Variants in PRPH2 observed in about 807,000 individuals in gnomAD.
The protein encoded by PRPH2 is peripherin 2.
A neutral mutation model predicts 31.3 loss-of-function variants in PRPH2; 17 were observed. The observed-to-expected ratio is 0.54, with a 90% CI of 0.37 to 0.81. The LOEUF is 0.81. PRPH2 is among the 40% of genes least tolerant of loss of function. The pLI is 0.00. For missense variants in PRPH2, 430 were observed against 439.7 expected (o/e 0.98, Z 0.20); for synonymous variants, 165 against 184.4 (o/e 0.89, Z 0.85).
chr6:42,705,584 AAAAAAAAAAAAAAAAATATAT>A (rs1395507896), intron 1 of PRPH2, among the ~76,000 whole-genome samples: 46 of 15,856 alleles, frequency 2.9e-3, no homozygotes, highest in African/African-American at 5.7e-3. Context: ...TAAAAAAAAA[AAAAAAAAAAAAAAAAATATAT>A]ATATATATAT....
intron 1 of PRPH2, among the ~76,000 whole-genome samples, chr6:42,715,199 ACT>A (rs1162839019): frequency 6.6e-6 from 1 of 151,996 alleles, no homozygotes; most frequent in Non-Finnish European, 1.5e-5. Flanking sequence ...ACGGGGCAAG[ACT>A]CTGTCTCAAA....
intron 1 of PRPH2, among the ~76,000 whole-genome samples, chr6:42,719,167 CTTT>C (rs10594241): frequency 4.7e-4 from 68 of 144,900 alleles, no homozygotes; most frequent in Non-Finnish European, 4.4e-4. Flanking sequence ...AGTGGACTTC[CTTT>C]TTTTTTTTTT....
At chr6:42,706,175 G>A (rs1303283454) in intron 1 of PRPH2, among the ~76,000 whole-genome samples, 6 of 151,898 alleles carry the variant, frequency 4.0e-5, no homozygotes, top group Non-Finnish European at 8.8e-5. Flanking sequence ...GGAGGCTGAG[G>A]CGGGTGGATC....
intron 2 of PRPH2, 92 bp from the exon 3 acceptor site, chr6:42,698,599 C>G (rs1799991483): frequency 2.6e-6 from 4 of 1,548,440 alleles, no homozygotes; most frequent in Non-Finnish European, 2.6e-6. Context: ...ATTGAGGGTC[C>G]CAGAGAGGAC....
At chr6:42,716,962 C>CTTTTTTTTTTTTTTTTTTTT (rs1161769235) in intron 1 of PRPH2, among the ~76,000 whole-genome samples, 1 of 45,188 alleles carries the variant, frequency 2.2e-5, no homozygotes, top group Non-Finnish European at 3.8e-5. Context: ...TCTTTCTTTT[C>CTTTTTTTTTTTTTTTTTTTT]TTTTTTTTTT....
intron 1 of PRPH2, among the ~76,000 whole-genome samples, chr6:42,719,156 C>T (rs1761846448): frequency 6.9e-6 from 1 of 145,854 alleles, no homozygotes; most frequent in Non-Finnish European, 1.5e-5. Context: ...TACTTTCATT[C>T]AGTGGACTTC....
At chr6:42,719,136 C>T (rs1761846090) in intron 1 of PRPH2, among the ~76,000 whole-genome samples, 1 of 151,500 alleles carries the variant, frequency 6.6e-6, no homozygotes, top group Non-Finnish European at 1.5e-5. Flanking sequence ...TGAATGCTTG[C>T]CTAAGCATGT....
In PRPH2 at chr6:42,698,371, C is replaced by T; in HGVS notation, c.965G>A (p.Ser322Asn). The change falls in exon 3 of 3, where the codon AGT becomes AAT. Residue 322 changes from serine (S) to asparagine (N), a missense_variant. Ser to Asn is a conservative substitution (Grantham distance 46, BLOSUM62 1). Coordinates refer to ENST00000230381, the MANE Select transcript of PRPH2 (RefSeq NM_000322.5). ...VPETWKAFLE[S>N]VKKLGKGNQV... Reference sequence around the variant, plus strand: ...GTTGCCCTTGCCCAGCTTCTTCACACTCTCCAGAAAGGCCTTCCAGGTCTC... The same window carrying T: ...GTTGCCCTTGCCCAGCTTCTTCACATTCTCCAGAAAGGCCTTCCAGGTCTC... 1 of 1,613,904 alleles carries T rather than the reference C, an allele frequency of 6.2e-7. No individual in the cohort carries two copies. Among genetic ancestry groups the T allele is most frequent in the Non-Finnish European group, 8.5e-7 (1 of 1,179,808 alleles).
rs1582759492 is a variant in PRPH2, at chr6:42,698,341, A to T, written c.995T>A (p.Val332Glu). 7 of 1,613,830 alleles carry T rather than the reference A, an allele frequency of 4.3e-6. No individual in the cohort carries two copies. The highest frequency in any genetic ancestry group is 5.9e-6 in the Non-Finnish European group (7 of 1,179,804). ...GCCTGCGTCTGCGCCCTCGGCTTCC[A>T]CCTGGTTGCCCTTGCCCAGCTTCTT... Reference protein sequence around the residue: ...SVKKLGKGNQVEAEGADAGQA... With the variant: ...SVKKLGKGNQEEAEGADAGQA... Residue 332 changes from valine (V) to glutamate (E), a missense_variant, in exon 3 of 3, where the codon GTG (valine) becomes GAG (glutamate). Transcript: ENST00000230381.
At chr6:42,710,878 C>A (rs151039421) in intron 1 of PRPH2, among the ~76,000 whole-genome samples, 35 of 152,316 alleles carry the variant, frequency 2.3e-4, no homozygotes, top group African/African-American at 8.2e-4. Flanking sequence ...GGCTGAGGGA[C>A]ACCTGTGAGA....
At chr6:42,713,724 C>T (rs1761720698) in intron 1 of PRPH2, among the ~76,000 whole-genome samples, 1 of 151,750 alleles carries the variant, frequency 6.6e-6, no homozygotes, top group Admixed American at 6.6e-5. Context: ...AATTTGAGAC[C>T]AGCCTGGCCA....
chr6:42,711,565 G>GA (rs143192355), intron 1 of PRPH2, among the ~76,000 whole-genome samples: 91,494 of 151,538 alleles, frequency 0.6, 27,740 homozygotes, highest in African/African-American at 0.69. Context: ...GGTCTGAGGG[G>GA]GACACAGCCC....
At chr6:42,716,965 T>G (rs1761798469) in intron 1 of PRPH2, among the ~76,000 whole-genome samples, 1 of 112,562 alleles carries the variant, frequency 8.9e-6, no homozygotes, top group Non-Finnish European at 1.8e-5. Context: ...TTCTTTTCTT[T>G]TTTTTTTTTT....
At position 42,697,362 on chromosome 6, in the gene PRPH2, A is replaced by G. The variant is rs1024027455; in HGVS notation, c.*933T>C. The G allele has an allele frequency of 3.3e-5, 5 of 152,162 alleles. No homozygotes were observed. Among genetic ancestry groups the G allele is most frequent in the African/African-American group, 1.2e-4 (5 of 41,418 alleles). 9.4% of individuals were successfully genotyped at this position (152,162 alleles called of 1,614,324 possible). On this transcript the variant is annotated 3_prime_UTR_variant, in exon 3 of 3. Transcript: ENST00000230381. Reference sequence around the variant, plus strand: ...TTGCTGTGGACAATTAGTGTTGTCCATGGGGCTGTGATGGCCACCTGTGTG... The same window carrying G: ...TTGCTGTGGACAATTAGTGTTGTCCGTGGGGCTGTGATGGCCACCTGTGTG...
intron 1 of PRPH2, among the ~76,000 whole-genome samples, chr6:42,706,179 G>A (rs1221246041): frequency 3.3e-5 from 5 of 151,548 alleles, no homozygotes; most frequent in Admixed American, 2.6e-4. Context: ...GCTGAGGCGG[G>A]TGGATCACGA....
chr6:42,698,652 C>T, intron 2 of PRPH2, 145 bp from the exon 3 acceptor site: 1 of 1,147,962 alleles, frequency 8.7e-7, no homozygotes, highest in Non-Finnish European at 1.3e-6. Flanking sequence ...ACAGCCTGCC[C>T]CACGCTGCCC....
chr6:42,698,440 G>C lies in PRPH2; in HGVS notation c.896C>G (p.Ser299Cys). 1 of 1,614,146 alleles carries C rather than the reference G, an allele frequency of 6.2e-7. No homozygotes were observed. Among genetic ancestry groups the C allele is most frequent in the Non-Finnish European group, 8.5e-7 (1 of 1,180,000 alleles). Residue 299 changes from serine to cysteine, a missense_variant, in exon 3 of 3, where the codon TCT (serine) becomes TGT (cysteine). Ser to Cys is a moderately radical substitution (Grantham distance 112). Transcript: ENST00000230381. ...CAGCCAGCCCTGGCTCTCGCTCTCA[G>C]ATTCCTCGGGGTTGGACACACCATC... ...SLDGVSNPEE[S>C]ESESQGWLLE...
intron 2 of PRPH2, among the ~76,000 whole-genome samples, chr6:42,703,307 G>T (rs1439733723): frequency 1.3e-5 from 2 of 152,180 alleles, no homozygotes; most frequent in African/African-American, 4.8e-5. Context: ...TACATTGCAA[G>T]CCCTATAGCT....
chr6:42,712,724 TCCTTTTTTTTTTAGAGA>T (rs1761690624), intron 1 of PRPH2, among the ~76,000 whole-genome samples: 1 of 151,016 alleles, frequency 6.6e-6, no homozygotes, highest in Non-Finnish European at 1.5e-5. Flanking sequence ...GCCTGTTTTT[TCCTTTTTTTTTTAGAGA>T]CCTTGTGCTC....
Sources: allele counts gnomAD v4.1 joint callset (sites outside exome capture counted in the v4.1 genomes callset), GRCh38; gene constraint gnomAD v4.1.1; transcripts MANE v1.5; gene names NCBI Gene and HGNC (gene_info 2026-07-23, HGNC 2026-07-21).